The following ZNF135 variants were observed in gnomAD, a reference collection of about 807,000 sequenced individuals.
ZNF135 encodes the protein zinc finger protein 135 (clone pHZ-17).
In ZNF135, 11 loss-of-function variants were observed where a neutral mutation model predicts 12.3. That is an observed-to-expected ratio of 0.89 (90% CI 0.56 to 1.48). ZNF135 has a LOEUF of 1.48. Among genes scored for constraint, ZNF135 ranks in the 40% most tolerant of loss-of-function variants. The probability of loss-of-function intolerance (pLI) is 0.00; values close to 1 mark genes in which losing one functional copy is unlikely to be tolerated. For missense variants in ZNF135, 722 were observed against 815.7 expected, an observed-to-expected ratio of 0.89 and a Z score of 1.40; for synonymous variants, 316 against 312.0, an observed-to-expected ratio of 1.01 and a Z score of -0.14.
At chr19:58,066,603 A>C (rs1187777622) in intron 4 of ZNF135, 138 bp from the exon 5 acceptor site, 1 of 1,217,282 alleles carries the variant, frequency 8.2e-7, no homozygotes, top group Non-Finnish European at 1.1e-6. Flanking sequence ...GCAAAACTAT[A>C]TTTTTAAATG....
In ZNF135 at chr19:58,069,379, T is replaced by G. The variant is rs974802900; in HGVS notation, c.*918T>G. 6.6e-6 allele frequency: 1 copy of G among 152,236 alleles called. No homozygotes were observed. The highest frequency in any genetic ancestry group is 1.5e-5 in the Non-Finnish European group (1 of 68,048). The allele number at this position is 152,236 out of a possible 1,614,324, so 9.4% of individuals were successfully genotyped here. ...ATTTTTCCTTTGTTAAACCATCGTC[T>G]TATAAGCAATAGCAAATTCATGTTA... On this transcript the variant is annotated 3_prime_UTR_variant, in exon 5 of 5. Coordinates refer to ENST00000313434, the MANE Select transcript of ZNF135 (RefSeq NM_001289401.2).
chr19:58,061,700 T>A lies in ZNF135; in HGVS notation c.154T>A (p.Ser52Thr). The change falls in exon 3 of 5, where the codon TCT becomes ACT. Residue 52 changes from serine (S) to threonine (T), a missense_variant. Physicochemically the swap from Ser to Thr is moderately conservative, Grantham distance 58 (BLOSUM62 1). Transcript: ENST00000313434. ...GCTGGACACCTTCAGGCTTCTGGTCTCTGTGGGTAAGGCCACACCCATGTC... is the reference window on the plus strand; with the variant it reads ...GCTGGACACCTTCAGGCTTCTGGTCACTGTGGGTAAGGCCACACCCATGTC... ...VMLDTFRLLV[S>T]VGHWLPKPNV... The A allele has an allele frequency of 6.2e-7, 1 of 1,612,356 alleles. No homozygotes were observed. The highest frequency in any genetic ancestry group is 8.5e-7 in the Non-Finnish European group (1 of 1,179,302).
At position 58,068,501 on chromosome 19, in the gene ZNF135, G is replaced by A; in HGVS notation, c.*40G>A. ...TGCTGGGGACATAGGAAGACCTTAA[G>A]CCATAGCTCATCCCTTTCTAGATTT... On this transcript the variant is annotated 3_prime_UTR_variant, in exon 5 of 5. Coordinates refer to ENST00000313434, the MANE Select transcript of ZNF135 (RefSeq NM_001289401.2). The A allele has an allele frequency of 6.3e-7, 1 of 1,588,428 alleles. No individual in the cohort carries two copies. Among genetic ancestry groups the A allele is most frequent in the Admixed American group, 1.7e-5 (1 of 57,502 alleles).
rs1385603493 is a variant in ZNF135, at chr19:58,067,672, AC to A, written c.1189del (p.Leu397Ter). 4.4e-6 allele frequency: 7 copies of A among 1,608,556 alleles called. No individual in the cohort carries two copies. Among genetic ancestry groups the A allele is most frequent in the Non-Finnish European group, 5.9e-6 (7 of 1,178,498 alleles). On this transcript the variant is annotated frameshift_variant, in exon 5 of 5. Coordinates refer to ENST00000313434, the MANE Select transcript of ZNF135 (RefSeq NM_001289401.2). LOFTEE classifies it low-confidence loss of function (END_TRUNC). ...GAAAAGCCTTCACCCAGATCACACC[AC>A]TGATTCAGCACCAGAGGACCCACAC... is the stretch of plus-strand genomic sequence containing the variant. ...CGKAFTQITPLIQHQRTHTGE... is the reference protein window; with the variant it reads ...CGKAFTQITPXIQHQRTHTGE...
rs778063343 is a variant in ZNF135 at position 58,068,505 on chromosome 19, T to C, written c.*44T>C. The C allele has an allele frequency of 1.6e-5, 25 of 1,584,654 alleles. No individual in the cohort carries two copies. The Admixed American group carries it at 3.0e-4, about 19-fold the overall frequency. ...GGGGACATAGGAAGACCTTAAGCCA[T>C]AGCTCATCCCTTTCTAGATTTGACC... is the stretch of plus-strand genomic sequence containing the variant. On this transcript the variant is annotated 3_prime_UTR_variant, in exon 5 of 5. Transcript: ENST00000313434.
rs3833211 is a variant in ZNF135 at position 58,063,343 on chromosome 19, TC to T, written c.161-99del. 593,497 of 1,530,630 alleles carry T rather than the reference TC, an allele frequency of 0.39. 117,422 individuals carry two copies. Among genetic ancestry groups the T allele is most frequent in the Admixed American group, 0.45 (23,195 of 51,004 alleles). 94.8% of individuals were successfully genotyped at this position (1,530,630 alleles called of 1,614,324 possible). A position where few individuals can be genotyped will look rare whatever the true frequency, so the allele number is the denominator to read the frequency against. ...TATGACAGCTGAAGTCACTCAGGGG[TC>T]CCCAGCCATCTGGGACCTGGAAGAC... On this transcript the variant is annotated intron_variant, in intron 3 of 4. Coordinates refer to ENST00000313434, the MANE Select transcript of ZNF135 (RefSeq NM_001289401.2). This position sits in a 1 kb window ranked among gnomAD's most constrained non-coding sequence, Gnocchi z 4.4.
Position 58,060,149 on chromosome 19 carries a change from TC to T in ZNF135, c.33+116del. ...ACCCCGTCCCTACTCGCGCTCAGCC[TC>T]CTCCTTGTGCCCGGCCCCTACTTGC... On this transcript the variant is annotated intron_variant, in intron 2 of 4. Transcript: ENST00000313434. The surrounding 1 kb of genome is among the most constrained non-coding windows in gnomAD (Gnocchi z 4.9). The T allele has an allele frequency of 1.3e-6, 2 of 1,567,508 alleles. No individual in the cohort carries two copies. Among genetic ancestry groups the T allele is most frequent in the Non-Finnish European group, 1.7e-6 (2 of 1,163,320 alleles).
Position 58,060,407 on chromosome 19 carries a change from G to A in ZNF135, c.33+372G>A. On this transcript the variant is annotated intron_variant, in intron 2 of 4. Coordinates refer to ENST00000313434, the MANE Select transcript of ZNF135 (RefSeq NM_001289401.2). The surrounding 1 kb of genome is among the most constrained non-coding windows in gnomAD (Gnocchi z 4.9). ...CCCACGCCGCGCTGGAGGTCAGCGG[G>A]CACGGGTCCCTGTCTGAGTGGGCTT... 1 of 1,193,720 alleles carries A rather than the reference G, an allele frequency of 8.4e-7. No individual in the cohort carries two copies. Among genetic ancestry groups the A allele is most frequent in the Non-Finnish European group, 1.0e-6 (1 of 953,894 alleles). 73.9% of individuals were successfully genotyped at this position (1,193,720 alleles called of 1,614,324 possible).
At position 58,067,554 on chromosome 19, in the gene ZNF135, G is replaced by A. The variant is rs2074095890; in HGVS notation, c.1070G>A (p.Gly357Asp). Residue 357 changes from glycine (G) to aspartate (D), a missense_variant, in exon 5 of 5, where the codon GGT becomes GAT. Physicochemically the swap from Gly to Asp is moderately conservative, Grantham distance 94. Transcript: ENST00000313434. ...IHTGEKPYQC[G>D]ECGKAFSHSS... Reference sequence around the variant, plus strand: ...ACTGGGGAGAAACCCTATCAGTGTGGTGAGTGTGGCAAGGCCTTCAGCCAC... The same window carrying A: ...ACTGGGGAGAAACCCTATCAGTGTGATGAGTGTGGCAAGGCCTTCAGCCAC... The A allele has an allele frequency of 1.2e-6, 2 of 1,612,552 alleles. No individual in the cohort carries two copies.
At position 58,068,521 on chromosome 19, in the gene ZNF135, A is replaced by G. The variant is rs2074118511; in HGVS notation, c.*60A>G. ...CTTAAGCCATAGCTCATCCCTTTCT[A>G]GATTTGACCCAATCATACACATGAG... is the stretch of plus-strand genomic sequence containing the variant. On this transcript the variant is annotated 3_prime_UTR_variant, in exon 5 of 5. Coordinates refer to ENST00000313434, the MANE Select transcript of ZNF135 (RefSeq NM_001289401.2). 1 of 1,557,226 alleles carries G rather than the reference A, an allele frequency of 6.4e-7. No individual in the cohort carries two copies. The highest frequency in any genetic ancestry group is 1.4e-5 in the African/African-American group (1 of 73,290).
chr19:58,064,193 G>A (rs1389023181), intron 4 of ZNF135, among the ~76,000 whole-genome samples: 1 of 152,308 alleles, frequency 6.6e-6, no homozygotes, highest in East Asian at 1.9e-4. Context: ...GGGAAGAGTG[G>A]CCTGTCACCA....
chr19:58,069,098 C>T lies in ZNF135; in HGVS notation c.*637C>T, dbSNP rs530257247. ...TTGTTTGATCAGGGTACATGGCAGCCAGTCACAGATTGGAATTACATATGA... is the reference window on the plus strand; with the variant it reads ...TTGTTTGATCAGGGTACATGGCAGCTAGTCACAGATTGGAATTACATATGA... On this transcript the variant is annotated 3_prime_UTR_variant, in exon 5 of 5. Coordinates refer to ENST00000313434, the MANE Select transcript of ZNF135 (RefSeq NM_001289401.2). The T allele has an allele frequency of 6.5e-6, 1 of 153,116 alleles. No homozygotes were observed. The highest frequency in any genetic ancestry group is 2.1e-4 in the South Asian group (1 of 4,856). The allele number at this position is 153,116 out of a possible 1,614,324, so 9.5% of individuals were successfully genotyped here.
intron 3 of ZNF135, among the ~76,000 whole-genome samples, chr19:58,062,569 A>G (rs1445508719): frequency 7.2e-6 from 1 of 138,058 alleles, no homozygotes; most frequent in Non-Finnish European, 1.5e-5. Context: ...TTTTTTGTAT[A>G]TTTAGTAGAG....
At position 58,067,331 on chromosome 19, in the gene ZNF135, G is replaced by A. The variant is rs374026761; in HGVS notation, c.847G>A (p.Ala283Thr). The A allele has an allele frequency of 2.9e-5, 46 of 1,613,854 alleles. No homozygotes were observed. The highest frequency in any genetic ancestry group is 3.9e-5 in the Non-Finnish European group (46 of 1,179,984). Reference sequence around the variant, plus strand: ...GTGTGGGAGGACCTTCAACCAAATTGCCCCACTGATCCAGCACCAGAGAAC... The same window carrying A: ...GTGTGGGAGGACCTTCAACCAAATTACCCCACTGATCCAGCACCAGAGAAC... ...TQCGRTFNQI[A>T]PLIQHQRTHT... Residue 283 changes from alanine to threonine, a missense_variant, in exon 5 of 5, where the codon GCC (alanine) becomes ACC (threonine). By Grantham distance (58) the Ala-to-Thr change is moderately conservative. Coordinates refer to ENST00000313434, the MANE Select transcript of ZNF135 (RefSeq NM_001289401.2).
At position 58,060,026 on chromosome 19, in the gene ZNF135, CACAG is replaced by C. The variant is rs2073942299; in HGVS notation, c.27_30del (p.Asp10ArgfsTer4). On this transcript the variant is annotated frameshift_variant, in exon 2 of 5. Coordinates refer to ENST00000313434, the MANE Select transcript of ZNF135 (RefSeq NM_001289401.2). LOFTEE classifies it high-confidence loss of function. The surrounding 1 kb of genome is among the most constrained non-coding windows in gnomAD (Gnocchi z 4.9). ...GCATGACCCCTGGGGTGCGCGTCTC[CACAG>C]ACCCGGTGAGAATCTCGGCCTCCTT... is the stretch of plus-strand genomic sequence containing the variant. 6.2e-7 allele frequency: 1 copy of C among 1,613,410 alleles called. No homozygotes were observed. Among genetic ancestry groups the C allele is most frequent in the African/African-American group, 1.3e-5 (1 of 74,922 alleles).
rs756356619 is a variant in ZNF135, at chr19:58,059,288, G to A, written c.-57G>A. ...CGCAGTGTCGGCTGCCGGTGCCGCG[G>A]CCTTTGTCTCGCAGTCAGGAGGGTG... On this transcript the variant is annotated 5_prime_UTR_variant, in exon 1 of 5. Coordinates refer to ENST00000313434, the MANE Select transcript of ZNF135 (RefSeq NM_001289401.2). The surrounding 1 kb of genome is among the most constrained non-coding windows in gnomAD (Gnocchi z 6.5). 2.5e-5 allele frequency: 39 copies of A among 1,567,866 alleles called. No individual in the cohort carries two copies. Among genetic ancestry groups the A allele is most frequent in the Non-Finnish European group, 3.2e-5 (37 of 1,164,986 alleles).
rs1599917259 is a variant in ZNF135 at position 58,059,543 on chromosome 19, C to T, written c.-35+233C>T. 1.3e-5 allele frequency among the ~76,000 whole-genome samples: 2 copies of T among 152,228 alleles called. No homozygotes were observed. Among genetic ancestry groups the T allele is most frequent in the Non-Finnish European group, 2.9e-5 (2 of 67,980 alleles). Reference sequence around the variant, plus strand: ...GAGGAGGGCGGGGCCCAACGCCCAGCTGGACAGGAGCTGCTCCGACGGCCC... The same window carrying T: ...GAGGAGGGCGGGGCCCAACGCCCAGTTGGACAGGAGCTGCTCCGACGGCCC... On this transcript the variant is annotated intron_variant, in intron 1 of 4. Transcript: ENST00000313434. This position sits in a 1 kb window ranked among gnomAD's most constrained non-coding sequence, Gnocchi z 6.5.
chr19:58,059,403 C>T lies in ZNF135; in HGVS notation c.-35+93C>T. ...TCCGGGGATCTTCCTGAGGCCCTGG[C>T]GGGGCGAGTTTCCAGCAGCGCGCGT... On this transcript the variant is annotated intron_variant, in intron 1 of 4. Transcript: ENST00000313434. The surrounding 1 kb of genome is among the most constrained non-coding windows in gnomAD (Gnocchi z 6.5). 1.1e-6 allele frequency: 1 copy of T among 940,306 alleles called. No homozygotes were observed. The highest frequency in any genetic ancestry group is 1.5e-6 in the Non-Finnish European group (1 of 685,100). The allele number at this position is 940,306 out of a possible 1,614,324, so 58.2% of individuals were successfully genotyped here.
rs571416323 is a variant in ZNF135 at position 58,068,039 on chromosome 19, G to A, written c.1555G>A (p.Glu519Lys). Residue 519 changes from glutamate (E) to lysine (K), a missense_variant, in exon 5 of 5, where the codon GAG (glutamate) becomes AAG (lysine). Coordinates refer to ENST00000313434, the MANE Select transcript of ZNF135 (RefSeq NM_001289401.2). ...CAAACATCAGCGAATCCACACTGGG[G>A]AGAAGCCCTACGAATGCAACCAGTG... ...LTKHQRIHTG[E>K]KPYECNQCGR... 6.2e-7 allele frequency: 1 copy of A among 1,614,102 alleles called. No homozygotes were observed. The highest frequency in any genetic ancestry group is 1.3e-5 in the African/African-American group (1 of 74,998).
Sources: gnomAD v4.1 joint callset for allele counts (sites outside exome capture counted in the v4.1 genomes callset) on GRCh38, gnomAD v4.1.1 for gene constraint, Gnocchi (gnomAD v3.1) non-coding constraint, MANE v1.5 for transcripts, NCBI Gene and HGNC (gene_info 2026-07-23, HGNC 2026-07-21) for gene names.